PCDH15: variants seen among roughly 807,000 people sequenced by gnomAD.
PCDH15 encodes protocadherin related 15.
A neutral mutation model predicts 178.5 loss-of-function variants in PCDH15; 129 were observed. The observed-to-expected ratio is 0.72, with a 90% CI of 0.63 to 0.84. PCDH15 has a LOEUF of 0.84. Ranked by LOEUF, PCDH15 falls within the 40% of genes least tolerant of loss-of-function variation. The pLI is 0.00. For missense variants in PCDH15, 2,230 were observed against 2,099.9 expected (o/e 1.06, Z -1.21); for synonymous variants, 800 against 732.0 (o/e 1.09, Z -1.50).
rs150077741 is a variant in PCDH15 at position 54,743,497 on chromosome 10, C to T, written c.-29+57428G>A. Among the ~76,000 whole-genome samples, 543 of 151,930 alleles carry T rather than the reference C, an allele frequency of 3.6e-3. 1 individual carries two copies. The highest frequency in any genetic ancestry group is 0.012 in the African/African-American group (478 of 41,490). On this transcript the variant is annotated intron_variant, in intron 1 of 37. Coordinates refer to ENST00000644397, the MANE Select transcript of PCDH15 (RefSeq NM_001384140.1). ...TGCAAATACGAAAAGATGCCATAATCGGAGAAAAAAGTTTGGAGATCATGA... is the reference window on the plus strand; with the variant it reads ...TGCAAATACGAAAAGATGCCATAATTGGAGAAAAAAGTTTGGAGATCATGA...
intron 1 of PCDH15, among the ~76,000 whole-genome samples, chr10:54,770,779 C>T (rs1274481583): frequency 6.6e-6 from 1 of 151,998 alleles, no homozygotes; most frequent in African/African-American, 2.4e-5. Flanking sequence ...TACTTAATCT[C>T]AACGAAATTA....
At chr10:54,695,581 T>A (rs1285431768) in intron 1 of PCDH15, among the ~76,000 whole-genome samples, 2 of 152,130 alleles carry the variant, frequency 1.3e-5, no homozygotes, top group African/African-American at 4.8e-5. Context: ...TATGGAAGGA[T>A]GCCGTGTAAA....
At chr10:53,908,604 T>C (rs1468021049) in intron 25 of PCDH15, among the ~76,000 whole-genome samples, 1 of 152,218 alleles carries the variant, frequency 6.6e-6, no homozygotes. Flanking sequence ...GCCATTTCTC[T>C]AGTCATTGCC....
chr10:54,448,951 T>TAA (rs1409919007), intron 3 of PCDH15, among the ~76,000 whole-genome samples: 1 of 151,754 alleles, frequency 6.6e-6, no homozygotes, highest in African/African-American at 2.4e-5. Context: ...CAAATTGTGA[T>TAA]AAAAAGTTTC....
At chr10:55,378,777 T>G (rs1837458604) in intron 2 of PCDH15, among the ~76,000 whole-genome samples, 1 of 151,934 alleles carries the variant, frequency 6.6e-6, no homozygotes, top group Non-Finnish European at 1.5e-5. Flanking sequence ...CATTAGGGTT[T>G]TCAATTTATA....
At chr10:54,846,223 T>C (rs557659738) in intron 3 of PCDH15, among the ~76,000 whole-genome samples, 6 of 152,262 alleles carry the variant, frequency 3.9e-5, no homozygotes, top group Non-Finnish European at 8.8e-5. Flanking sequence ...ACACACAGTA[T>C]CACAAGTGTT....
intron 2 of PCDH15, among the ~76,000 whole-genome samples, chr10:55,428,980 G>A (rs1371684662): frequency 6.6e-6 from 1 of 151,902 alleles, no homozygotes; most frequent in East Asian, 1.9e-4. Context: ...ATGAATGTGA[G>A]AACTTACCGT....
intron 2 of PCDH15, among the ~76,000 whole-genome samples, chr10:54,955,483 T>A (rs1306563272): frequency 3.3e-5 from 5 of 151,298 alleles, no homozygotes; most frequent in African/African-American, 7.3e-5. Flanking sequence ...AGTAAAAAAT[T>A]AAATAAAATA....
At chr10:53,934,551 T>C (rs1196554036) in intron 25 of PCDH15, among the ~76,000 whole-genome samples, 2 of 148,724 alleles carry the variant, frequency 1.3e-5, no homozygotes, top group Non-Finnish European at 3.0e-5. Context: ...TGAGCCCAGA[T>C]CACGCCACTG....
intron 5 of PCDH15, among the ~76,000 whole-genome samples, chr10:54,360,436 C>T (rs1945821827): frequency 6.6e-6 from 1 of 152,040 alleles, no homozygotes; most frequent in Admixed American, 6.6e-5. Flanking sequence ...GATTGGCTTT[C>T]TGTGTGGTGA....
chr10:55,097,809 G>A (rs1231643069), intron 2 of PCDH15, among the ~76,000 whole-genome samples: 1 of 152,070 alleles, frequency 6.6e-6, no homozygotes, highest in Non-Finnish European at 1.5e-5. Flanking sequence ...AATAGCAGTT[G>A]TTGAACTCAT....
chr10:54,275,748 T>C (rs2058319067), intron 8 of PCDH15, among the ~76,000 whole-genome samples: 1 of 151,612 alleles, frequency 6.6e-6, no homozygotes, highest in Non-Finnish European at 1.5e-5. Flanking sequence ...AGGCTTCTTA[T>C]AACTACAACA....
intron 1 of PCDH15, among the ~76,000 whole-genome samples, chr10:55,287,556 A>T (rs1453656770): frequency 6.6e-6 from 1 of 152,038 alleles, no homozygotes; most frequent in Non-Finnish European, 1.5e-5. Flanking sequence ...CCTGAGTTGC[A>T]TTCAGAGTAA....
At chr10:54,879,067 C>T (rs1250406760) in intron 3 of PCDH15, among the ~76,000 whole-genome samples, 1 of 152,124 alleles carries the variant, frequency 6.6e-6, no homozygotes, top group African/African-American at 2.4e-5. Flanking sequence ...AAAATGTTAA[C>T]ATTTGACAAT....
intron 3 of PCDH15, among the ~76,000 whole-genome samples, chr10:54,428,492 C>G (rs543733705): frequency 1.1e-4 from 16 of 152,322 alleles, no homozygotes; most frequent in African/African-American, 3.8e-4. Flanking sequence ...TGTACCTTCA[C>G]GTGGTAAATC....
intron 1 of PCDH15, among the ~76,000 whole-genome samples, chr10:55,258,488 G>A (rs187278845): frequency 3.9e-4 from 59 of 152,024 alleles, no homozygotes; most frequent in Non-Finnish European, 7.2e-4. Context: ...TTTCTTTCCT[G>A]TTCTAAAGCT....
In PCDH15 at chr10:55,210,618, CTTTTTTTTTTT is replaced by C. The variant is rs11412877; in HGVS notation, c.-155-43978_-155-43968del. Among the ~76,000 whole-genome samples, 175 of 40,342 alleles carry C rather than the reference CTTTTTTTTTTT, an allele frequency of 4.3e-3. 1 individual carries two copies. The highest frequency in any genetic ancestry group is 0.03 in the South Asian group (24 of 800). The allele number at this position is 40,342 out of a possible 152,430, so 26.5% of individuals were successfully genotyped here. A position where few individuals can be genotyped will look rare whatever the true frequency, so the allele number is the denominator to read the frequency against. ...ACGATTTTTTTTTCTTTTTTCTTTT[CTTTTTTTTTTT>C]TTTTTTTTTTTTTTTTTTTTGACGG... On this transcript the variant is annotated intron_variant, in intron 1 of 5. Transcript: ENST00000458638.
intron 28 of PCDH15, among the ~76,000 whole-genome samples, chr10:53,846,049 C>CACACACAA (rs1247370119): frequency 4.0e-5 from 6 of 150,280 alleles, no homozygotes; most frequent in African/African-American, 1.5e-4. Flanking sequence ...CACACACACA[C>CACACACAA]AAACAAAAAA....
At chr10:54,845,199 A>C in intron 3 of PCDH15, among the ~76,000 whole-genome samples, 1 of 151,754 alleles carries the variant, frequency 6.6e-6, no homozygotes, top group African/African-American at 2.4e-5. Context: ...TTATAATTTT[A>C]AGTGATGTTT....
Sources: gnomAD v4.1 joint callset for allele counts (sites outside exome capture counted in the v4.1 genomes callset) on GRCh38, gnomAD v4.1.1 for gene constraint, MANE v1.5 for transcripts, NCBI Gene and HGNC (gene_info 2026-07-23, HGNC 2026-07-21) for gene names.